Variants in PPP1R9A observed in about 807,000 individuals in gnomAD.
PPP1R9A encodes the protein neurabin-1.
In PPP1R9A, 59 loss-of-function variants were observed where a neutral mutation model predicts 141.9. The ratio of observed to expected loss-of-function variants is 0.42; its 90% CI spans 0.34 to 0.52. PPP1R9A has a LOEUF of 0.52. Ranked by LOEUF, PPP1R9A falls within the 20% of genes least tolerant of loss-of-function variation. The pLI is 0.10. For missense variants in PPP1R9A, 1,444 were observed against 1,611.9 expected, an observed-to-expected ratio of 0.90 and a Z score of 1.78; for synonymous variants, 500 against 569.7, an observed-to-expected ratio of 0.88 and a Z score of 1.74.
intron 5 of PPP1R9A, among the ~76,000 whole-genome samples, chr7:95,168,753 A>G (rs1399664456): frequency 6.6e-6 from 1 of 152,250 alleles, no homozygotes; most frequent in Admixed American, 6.6e-5. Context: ...TTCTCAAAAT[A>G]AGACATAGAA....
chr7:95,263,416 TTGTTGTTGTTGC>T (rs982822898), intron 12 of PPP1R9A, among the ~76,000 whole-genome samples: 124 of 108,606 alleles, frequency 1.1e-3, no homozygotes, highest in Non-Finnish European at 1.7e-3. Context: ...TTCCAGTTTG[TTGTTGTTGTTGC>T]TGTTGTTGTT....
chr7:95,187,931 C>CT (rs1231975852), intron 5 of PPP1R9A, among the ~76,000 whole-genome samples: 1 of 151,980 alleles, frequency 6.6e-6, no homozygotes, highest in African/African-American at 2.4e-5. Context: ...ATTTATTGGT[C>CT]TATCTTCGAG....
intron 2 of PPP1R9A, among the ~76,000 whole-genome samples, chr7:95,084,139 G>T (rs1356984642): frequency 1.3e-5 from 2 of 151,956 alleles, no homozygotes; most frequent in Non-Finnish European, 2.9e-5. Flanking sequence ...AAATAGAAAA[G>T]AACAATGTGT....
chr7:95,149,371 A>T (rs1828230985), intron 4 of PPP1R9A, among the ~76,000 whole-genome samples: 1 of 152,160 alleles, frequency 6.6e-6, no homozygotes, highest in Non-Finnish European at 1.5e-5. Flanking sequence ...GTTATTTTCT[A>T]GCTAATGCAG....
chr7:95,264,420 AC>A (rs1458382480), intron 12 of PPP1R9A, among the ~76,000 whole-genome samples: 1 of 152,164 alleles, frequency 6.6e-6, no homozygotes, highest in African/African-American at 2.4e-5. Context: ...CATTCCACTT[AC>A]GTCAAAAATA....
chr7:94,952,341 T>G (rs190802290), intron 2 of PPP1R9A, among the ~76,000 whole-genome samples: 2 of 152,334 alleles, frequency 1.3e-5, no homozygotes, highest in Admixed American at 1.3e-4. Flanking sequence ...ATTTTCTTTA[T>G]CCAGTCTATC....
chr7:95,006,343 G>A (rs1432584813), intron 2 of PPP1R9A, among the ~76,000 whole-genome samples: 3 of 151,586 alleles, frequency 2.0e-5, no homozygotes, highest in African/African-American at 7.3e-5. Context: ...TCAGCTCCCC[G>A]AGTAGCTGGG....
intron 12 of PPP1R9A, among the ~76,000 whole-genome samples, chr7:95,264,643 C>T (rs1800976511): frequency 6.6e-6 from 1 of 152,300 alleles, no homozygotes; most frequent in South Asian, 2.1e-4. Context: ...GAGTCTCTCT[C>T]ACTCAAAACT....
chr7:94,958,324 A>G (rs1191813760), intron 2 of PPP1R9A, among the ~76,000 whole-genome samples: 1 of 151,984 alleles, frequency 6.6e-6, no homozygotes, highest in Non-Finnish European at 1.5e-5. Context: ...TCCAGAGTGT[A>G]ACTTATCATT....
intron 4 of PPP1R9A, among the ~76,000 whole-genome samples, chr7:95,123,682 G>A (rs150782066): frequency 7.6e-4 from 116 of 151,982 alleles, no homozygotes; most frequent in Middle Eastern, 3.4e-3. Flanking sequence ...TTCATGTGAT[G>A]TAATGGATAG....
chr7:95,111,069 A>G (rs17305725), intron 2 of PPP1R9A, among the ~76,000 whole-genome samples, 190 bp from the exon 3 acceptor site: 4,886 of 152,318 alleles, frequency 0.032, 94 homozygotes, highest in Non-Finnish European at 0.047. Context: ...TCGCTTACAC[A>G]TTTTAAAAAT....
chr7:95,285,481 ATTG>A (rs1257207787), intron 17 of PPP1R9A, among the ~76,000 whole-genome samples: 1 of 152,198 alleles, frequency 6.6e-6, no homozygotes, highest in Admixed American at 6.5e-5. Flanking sequence ...CTACGTAGTC[ATTG>A]TTGTTTGATT....
Position 95,102,024 on chromosome 7 carries a change from CT to C in PPP1R9A, c.1396-9231del, listed in dbSNP as rs747707553. Among the ~76,000 whole-genome samples, 20 of 152,206 alleles carry C rather than the reference CT, an allele frequency of 1.3e-4. 1 individual carries two copies. Among genetic ancestry groups the C allele is most frequent in the Middle Eastern group, 3.4e-3 (1 of 294 alleles). On this transcript the variant is annotated intron_variant, in intron 2 of 19. Coordinates refer to ENST00000433360, the MANE Select transcript of PPP1R9A (RefSeq NM_001166160.2). ...TGCAAAAGTAGCTTATGGATATTAT[CT>C]TTTACCTGGGTAGAGGGGTTTCAGC...
chr7:95,147,123 A>G (rs1196412087), intron 4 of PPP1R9A, among the ~76,000 whole-genome samples: 2 of 152,196 alleles, frequency 1.3e-5, no homozygotes, highest in Admixed American at 1.3e-4. Context: ...CTTCCTATCC[A>G]TGAACACGGA....
chr7:95,257,156 G>A (rs1799704467), intron 12 of PPP1R9A, among the ~76,000 whole-genome samples: 1 of 152,120 alleles, frequency 6.6e-6, no homozygotes, highest in Non-Finnish European at 1.5e-5. Context: ...TCCTGAGGAA[G>A]AACAAGGTGA....
intron 3 of PPP1R9A, among the ~76,000 whole-genome samples, chr7:95,111,787 C>A (rs573194930): frequency 6.6e-6 from 1 of 151,918 alleles, no homozygotes; most frequent in Non-Finnish European, 1.5e-5. Context: ...TTAATAAAGG[C>A]GGTAGAATCC....
At chr7:95,014,327 G>A (rs1804811046) in intron 2 of PPP1R9A, among the ~76,000 whole-genome samples, 1 of 151,864 alleles carries the variant, frequency 6.6e-6, no homozygotes, top group Admixed American at 6.6e-5. Context: ...TTATGATACT[G>A]ACATATTTTG....
intron 5 of PPP1R9A, among the ~76,000 whole-genome samples, chr7:95,162,450 A>G (rs911947593): frequency 1.3e-5 from 2 of 152,228 alleles, no homozygotes; most frequent in African/African-American, 4.8e-5. Context: ...AACTTTTCCA[A>G]CTTAATGCAC....
chr7:95,266,641 G>C (rs564067546), intron 12 of PPP1R9A, among the ~76,000 whole-genome samples: 1 of 152,054 alleles, frequency 6.6e-6, no homozygotes, highest in Non-Finnish European at 1.5e-5. Flanking sequence ...TACTTGATTG[G>C]TACCTCATGG....
Sources: allele counts gnomAD v4.1 joint callset (sites outside exome capture counted in the v4.1 genomes callset), GRCh38; gene constraint gnomAD v4.1.1; transcripts MANE v1.5; gene names NCBI Gene and HGNC (gene_info 2026-07-23, HGNC 2026-07-21).